IQCM: variants seen among roughly 807,000 people sequenced by gnomAD.
The protein encoded by IQCM is IQ motif containing M, also known as IQ domain-containing protein M.
In IQCM, 45 loss-of-function variants were observed where a neutral mutation model predicts 57.6. The ratio of observed to expected loss-of-function variants is 0.78; its 90% confidence interval spans 0.62 to 1.00. The LOEUF (loss-of-function observed/expected upper bound fraction) is 1.00, where lower values mean the gene tolerates loss of function less well. Among genes scored for constraint, IQCM ranks in the 50% least tolerant of loss-of-function variants. IQCM has a pLI of 0.00. For synonymous variants in IQCM, 148 were observed against 158.9 expected (o/e 0.93, Z 0.51); for missense variants, 468 against 511.6 (o/e 0.91, Z 0.82).
intron 7 of IQCM, among the ~76,000 whole-genome samples, chr4:149,639,683 G>T (rs1758021069): frequency 6.6e-6 from 1 of 152,110 alleles, no homozygotes; most frequent in Non-Finnish European, 1.5e-5. Context: ...CACTTTGGGA[G>T]GCTGAGGTGG....
At chr4:149,526,546 G>C (rs1746180673) in intron 12 of IQCM, among the ~76,000 whole-genome samples, 1 of 151,962 alleles carries the variant, frequency 6.6e-6, no homozygotes, top group African/African-American at 2.4e-5. Flanking sequence ...TTTGCAGCCT[G>C]CTTACATTAC....
chr4:149,398,716 AT>A (rs1052621105), intron 13 of IQCM, among the ~76,000 whole-genome samples: 7 of 151,408 alleles, frequency 4.6e-5, no homozygotes, highest in Admixed American at 2.0e-4. Context: ...CTTTATTATT[AT>A]TTTTTTTGAG....
chr4:149,650,152 T>C (rs575330811), intron 7 of IQCM, among the ~76,000 whole-genome samples: 31 of 143,652 alleles, frequency 2.2e-4, no homozygotes, highest in African/African-American at 7.2e-4. Context: ...TCATTGCAGA[T>C]GTAATTAGTT....
chr4:149,575,231 A>T (rs987366949), intron 9 of IQCM, among the ~76,000 whole-genome samples: 1 of 151,930 alleles, frequency 6.6e-6, no homozygotes, highest in Non-Finnish European at 1.5e-5. Flanking sequence ...GCCTACTTTA[A>T]ACCCCTAAAT....
chr4:149,756,984 T>C (rs1334015763), intron 2 of IQCM, among the ~76,000 whole-genome samples: 1 of 152,256 alleles, frequency 6.6e-6, no homozygotes, highest in East Asian at 1.9e-4. Context: ...GATGGCCGGG[T>C]GTGGTGGCTC....
At chr4:149,370,636 C>T (rs1179167658) in intron 13 of IQCM, among the ~76,000 whole-genome samples, 1 of 151,930 alleles carries the variant, frequency 6.6e-6, no homozygotes, top group Non-Finnish European at 1.5e-5. Context: ...AGTGTGCTGG[C>T]TCTGTGAATG....
intron 3 of IQCM, 46 bp from the exon 4 acceptor site, chr4:149,735,504 G>C (rs569776773): frequency 1.2e-6 from 1 of 843,582 alleles, no homozygotes; most frequent in South Asian, 5.9e-5. Context: ...TAATGTGAAA[G>C]TAAATTTTAC....
intron 3 of IQCM, among the ~76,000 whole-genome samples, chr4:149,737,372 T>C (rs141751567): frequency 2.2e-3 from 334 of 152,294 alleles, no homozygotes; most frequent in African/African-American, 7.5e-3. Context: ...AATAATTAAT[T>C]CTAACTAATG....
chr4:149,779,781 T>C (rs1279766802), intron 2 of IQCM, among the ~76,000 whole-genome samples: 1 of 152,154 alleles, frequency 6.6e-6, no homozygotes, highest in East Asian at 1.9e-4. Flanking sequence ...CATAAATATG[T>C]TTTGACAACT....
At chr4:149,654,580 C>T (rs1355702529) in intron 7 of IQCM, among the ~76,000 whole-genome samples, 1 of 152,160 alleles carries the variant, frequency 6.6e-6, no homozygotes, top group African/African-American at 2.4e-5. Flanking sequence ...GAACCATAAG[C>T]CAATTAAACT....
At chr4:149,717,085 A>G (rs1338192790) in intron 5 of IQCM, among the ~76,000 whole-genome samples, 2 of 152,122 alleles carry the variant, frequency 1.3e-5, no homozygotes, top group Non-Finnish European at 2.9e-5. Flanking sequence ...TATATCCTTT[A>G]TCAACAAATT....
chr4:149,523,655 T>C (rs1745880411), intron 12 of IQCM, among the ~76,000 whole-genome samples: 1 of 152,056 alleles, frequency 6.6e-6, no homozygotes, highest in Admixed American at 6.6e-5. Context: ...AATATCTACA[T>C]CAATATTTAT....
intron 7 of IQCM, among the ~76,000 whole-genome samples, chr4:149,674,222 A>G (rs972141291): frequency 2.0e-5 from 3 of 152,150 alleles, no homozygotes; most frequent in Non-Finnish European, 4.4e-5. Context: ...GAAAATATTT[A>G]TTCTAATAAA....
At chr4:149,659,053 C>A (rs951844921) in intron 7 of IQCM, among the ~76,000 whole-genome samples, 5 of 151,956 alleles carry the variant, frequency 3.3e-5, no homozygotes, top group Non-Finnish European at 7.4e-5. Flanking sequence ...TTTTTTATTG[C>A]ATCTATTTGA....
At chr4:149,791,140 G>A (rs974957537) in intron 2 of IQCM, among the ~76,000 whole-genome samples, 4 of 152,020 alleles carry the variant, frequency 2.6e-5, no homozygotes, top group African/African-American at 9.7e-5. Context: ...CCAATAAAAG[G>A]ATTAATAGTG....
intron 7 of IQCM, among the ~76,000 whole-genome samples, chr4:149,653,367 A>G (rs1009507112): frequency 6.6e-6 from 1 of 152,176 alleles, no homozygotes; most frequent in African/African-American, 2.4e-5. Context: ...ACACAGCATT[A>G]AACTCTTCTA....
intron 5 of IQCM, among the ~76,000 whole-genome samples, chr4:149,716,947 T>C (rs917161665): frequency 5.9e-5 from 9 of 152,156 alleles, no homozygotes; most frequent in African/African-American, 1.9e-4. Context: ...AGCTTCCAGG[T>C]TGGCAAGCAC....
intron 8 of IQCM, among the ~76,000 whole-genome samples, chr4:149,615,143 T>C: frequency 6.6e-6 from 1 of 151,344 alleles, no homozygotes. Flanking sequence ...TGTTTTTTTT[T>C]CAGCTATGAC....
rs116223743 is a variant in IQCM, at chr4:149,754,392, C to G, written c.-48-11653G>C. On this transcript the variant is annotated intron_variant, in intron 2 of 13. Transcript: ENST00000636793. ...TGACAATTCCTGCTTTCTTCCCTTT[C>G]GAAATCCAGAGATGGCTATTTCAAG... 3.6e-3 allele frequency among the ~76,000 whole-genome samples: 542 copies of G among 152,288 alleles called. 1 individual carries two copies. Among genetic ancestry groups the G allele is most frequent in the Middle Eastern group, 0.014 (4 of 294 alleles).
Sources: gnomAD v4.1 joint callset for allele counts (sites outside exome capture counted in the v4.1 genomes callset) on GRCh38, gnomAD v4.1.1 for gene constraint, MANE v1.5 for transcripts, NCBI Gene and HGNC (gene_info 2026-07-23, HGNC 2026-07-21) for gene names.